SUGCT: variants seen among roughly 807,000 people sequenced by gnomAD.
The protein encoded by SUGCT is succinyl-CoA:glutarate CoA-transferase.
SUGCT carries 41 observed loss-of-function variants against 55.0 expected under a neutral mutation model. The observed-to-expected ratio is 0.74, with a 90% confidence interval of 0.58 to 0.97. The LOEUF (loss-of-function observed/expected upper bound fraction) is 0.97. SUGCT is among the 50% of genes least tolerant of loss of function. SUGCT has a pLI of 0.00. For missense variants in SUGCT, 568 were observed against 547.8 expected (o/e 1.04, Z -0.37); for synonymous variants, 187 against 200.4 (o/e 0.93, Z 0.56).
At chr7:40,802,212 G>A (rs759840692) in intron 13 of SUGCT, among the ~76,000 whole-genome samples, 7 of 152,030 alleles carry the variant, frequency 4.6e-5, no homozygotes, top group African/African-American at 9.7e-5. Flanking sequence ...CAAATGAATT[G>A]AAGATATGCT....
chr7:40,417,265 A>G (rs554306920), intron 9 of SUGCT, among the ~76,000 whole-genome samples: 1 of 151,646 alleles, frequency 6.6e-6, no homozygotes, highest in Non-Finnish European at 1.5e-5. Flanking sequence ...TTTATTTTGT[A>G]TCTTACCTTT....
At chr7:40,996,972 G>C in the SUGCT span, among the ~76,000 whole-genome samples, 1 of 152,150 alleles carries the variant, frequency 6.6e-6, no homozygotes, top group East Asian at 1.9e-4. Flanking sequence ...AAACTGAAGC[G>C]AAGGAGACAG....
intron 9 of SUGCT, among the ~76,000 whole-genome samples, chr7:40,347,750 T>C (rs1270903952): frequency 6.6e-6 from 1 of 152,252 alleles, no homozygotes; most frequent in Non-Finnish European, 1.5e-5. Flanking sequence ...GCTAGCTTTA[T>C]TAATCAACTT....
chr7:40,168,864 T>C (rs932714639), intron 1 of SUGCT, among the ~76,000 whole-genome samples: 2 of 152,130 alleles, frequency 1.3e-5, no homozygotes, highest in African/African-American at 4.8e-5. Flanking sequence ...GGTCCTTCTA[T>C]AAGCATTTCT....
At chr7:40,753,466 C>T (rs1464603320) in intron 13 of SUGCT, among the ~76,000 whole-genome samples, 1 of 152,182 alleles carries the variant, frequency 6.6e-6, no homozygotes, top group Non-Finnish European at 1.5e-5. Context: ...TCCACATCTT[C>T]ACGTTTACAG....
chr7:40,980,854 G>A, the SUGCT span, among the ~76,000 whole-genome samples: 1 of 152,172 alleles, frequency 6.6e-6, no homozygotes, highest in East Asian at 1.9e-4. Context: ...ACACCACCAA[G>A]CCAGGCTAAG....
At chr7:40,652,748 TATAATAA>T (rs1800836006) in intron 12 of SUGCT, among the ~76,000 whole-genome samples, 1 of 152,246 alleles carries the variant, frequency 6.6e-6, no homozygotes, top group Non-Finnish European at 1.5e-5. Context: ...TCTGTATTGC[TATAATAA>T]TACTTTCCCT....
At chr7:40,202,205 T>C (rs1356352051) in intron 6 of SUGCT, among the ~76,000 whole-genome samples, 2 of 152,216 alleles carry the variant, frequency 1.3e-5, no homozygotes, top group Non-Finnish European at 2.9e-5. Flanking sequence ...ACTCCTGGGC[T>C]GAAGTGATCT....
intron 12 of SUGCT, among the ~76,000 whole-genome samples, chr7:40,747,054 A>G (rs1192429161): frequency 6.6e-6 from 1 of 152,174 alleles, no homozygotes; most frequent in Non-Finnish European, 1.5e-5. Context: ...CATAGGAGGA[A>G]GCTGTGCGGG....
At chr7:40,946,079 G>A in the SUGCT span, among the ~76,000 whole-genome samples, 2 of 151,456 alleles carry the variant, frequency 1.3e-5, no homozygotes, top group South Asian at 2.1e-4. Context: ...TGATGCACGC[G>A]ATGGTGATAT....
intron 11 of SUGCT, among the ~76,000 whole-genome samples, chr7:40,481,434 A>T (rs1315852240): frequency 6.6e-6 from 1 of 151,594 alleles, no homozygotes; most frequent in Non-Finnish European, 1.5e-5. Context: ...ATGTAGAATA[A>T]AGCAAATGAG....
Position 40,366,061 on chromosome 7 carries a change from C to T in SUGCT, c.816+49206C>T, listed in dbSNP as rs184960223. Among the ~76,000 whole-genome samples, 293 of 152,290 alleles carry T rather than the reference C, an allele frequency of 1.9e-3. 2 individuals are homozygous for T. The highest frequency in any genetic ancestry group is 1.3e-3 in the Non-Finnish European group (89 of 68,030). Reference sequence around the variant, plus strand: ...AAACAGCATGGTACTGGTACCAAAACAGAGATATAGATCAGTGGAACAGAA... The same window carrying T: ...AAACAGCATGGTACTGGTACCAAAATAGAGATATAGATCAGTGGAACAGAA... On this transcript the variant is annotated intron_variant, in intron 9 of 13. Coordinates refer to ENST00000335693, the MANE Select transcript of SUGCT (RefSeq NM_001193313.2).
chr7:40,249,738 A>T (rs1216693616), intron 7 of SUGCT, among the ~76,000 whole-genome samples: 1 of 152,024 alleles, frequency 6.6e-6, no homozygotes, highest in East Asian at 1.9e-4. Context: ...AGTCAGAGTT[A>T]ATGGTGGAAT....
At chr7:40,144,805 A>T (rs911984182) in intron 1 of SUGCT, among the ~76,000 whole-genome samples, 4 of 152,162 alleles carry the variant, frequency 2.6e-5, no homozygotes, top group Admixed American at 2.6e-4. Context: ...AGACCAAAGA[A>T]AGCCAAATAC....
At position 40,570,492 on chromosome 7, in the gene SUGCT, T is replaced by C. The variant is rs566028527; in HGVS notation, c.1089+74106T>C. The stretch of plus-strand genomic sequence containing the variant: ...AGAGCTTAATGTGAGACAAGGAGAA[T>C]GGAACAAGAAGAGACTGGAATGCAG... On this transcript the variant is annotated intron_variant, in intron 12 of 13. Transcript: ENST00000335693. Among the ~76,000 whole-genome samples, 4 of 152,250 alleles carry C rather than the reference T, an allele frequency of 2.6e-5. No homozygotes were observed. The South Asian group carries it at 8.3e-4, about 32-fold the overall frequency.
chr7:40,151,636 A>T (rs1344575231), intron 1 of SUGCT: 1 of 227,578 alleles, frequency 4.4e-6, no homozygotes, highest in Non-Finnish European at 9.9e-6. Context: ...TCAAGAAGCC[A>T]CTAACAGCTC....
chr7:40,701,468 C>T (rs1396661776), intron 12 of SUGCT, among the ~76,000 whole-genome samples: 1 of 152,148 alleles, frequency 6.6e-6, no homozygotes, highest in Non-Finnish European at 1.5e-5. Context: ...CAGGACCAGC[C>T]CTCTCCTTTC....
chr7:40,455,987 A>G (rs1789463748), intron 10 of SUGCT, among the ~76,000 whole-genome samples: 1 of 152,176 alleles, frequency 6.6e-6, no homozygotes, highest in South Asian at 2.1e-4. Flanking sequence ...CAGAGGCCAT[A>G]TAGCTTTTAA....
intron 12 of SUGCT, among the ~76,000 whole-genome samples, chr7:40,717,305 C>G (rs1030795851): frequency 6.6e-6 from 1 of 152,020 alleles, no homozygotes; most frequent in Non-Finnish European, 1.5e-5. Flanking sequence ...ATTTATTGGG[C>G]GAAGGGGAAA....
Sources: allele counts gnomAD v4.1 joint callset (sites outside exome capture counted in the v4.1 genomes callset), GRCh38; gene constraint gnomAD v4.1.1; transcripts MANE v1.5; gene names NCBI Gene and HGNC (gene_info 2026-07-23, HGNC 2026-07-21).